TLCD2: variants seen among roughly 807,000 people sequenced by gnomAD.
TLCD2 encodes the protein TLC domain-containing protein 2.
In TLCD2, 12 loss-of-function variants were observed where a neutral mutation model predicts 14.0. The ratio of observed to expected loss-of-function variants is 0.86; its 90% confidence interval spans 0.55 to 1.39. The LOEUF is 1.39. Ranked by LOEUF, TLCD2 falls within the 40% of genes most tolerant of loss-of-function variation. The pLI is 0.00. For synonymous variants in TLCD2, 166 were observed against 156.5 expected (o/e 1.06, Z -0.45); for missense variants, 360 against 346.8 (o/e 1.04, Z -0.30).
In TLCD2 at chr17:1,702,833, T is replaced by C. The variant is rs911771350; in HGVS notation, c.*4937A>G. The C allele has an allele frequency of 6.6e-6, 1 of 152,242 alleles. No homozygotes were observed. The highest frequency in any genetic ancestry group is 1.5e-5 in the Non-Finnish European group (1 of 68,040). The allele number at this position is 152,242 out of a possible 1,614,324, so 9.4% of individuals were successfully genotyped here. A position where few individuals can be genotyped will look rare whatever the true frequency, so the allele number is the denominator to read the frequency against. On this transcript the variant is annotated 3_prime_UTR_variant, in exon 4 of 4. Transcript: ENST00000330676. ...TAATGCAATTATTTGCATAGCAATT[T>C]ATTAATTTATAATCAGGATAGTGTT...
chr17:1,709,914 G>C (rs1914167694), intron 1 of TLCD2, 28 bp from the exon 2 acceptor site: 1 of 1,522,658 alleles, frequency 6.6e-7, no homozygotes, highest in Non-Finnish European at 8.8e-7. Context: ...GGACATGGGG[G>C]GGGGCATGGT....
intron 3 of TLCD2, 30 bp downstream of exon 3, chr17:1,709,469 C>T (rs2151145686): frequency 6.6e-7 from 1 of 1,517,950 alleles, no homozygotes. Flanking sequence ...CTCCTCCCTT[C>T]CTGTCTGGCT....
At position 1,708,194 on chromosome 17, in the gene TLCD2, A is replaced by G; in HGVS notation, c.371T>C (p.Leu124Pro). Residue 124 changes from leucine (L) to proline (P), a missense_variant, in exon 4 of 4, where the codon CTG (leucine) becomes CCG (proline). Physicochemically the swap from Leu to Pro is moderately conservative, Grantham distance 98. Transcript: ENST00000330676. ...VVVSCLSTAVLSGHYVGFSMV... is the reference protein window; with the variant it reads ...VVVSCLSTAVPSGHYVGFSMV... ...GGAGAAGCCCACGTAGTGGCCAGAC[A>G]GAACAGCGGTGCTGAGGCAGCTCAC... 3 of 1,533,738 alleles carry G rather than the reference A, an allele frequency of 2.0e-6. No homozygotes were observed. Among genetic ancestry groups the G allele is most frequent in the Non-Finnish European group, 2.6e-6 (3 of 1,145,136 alleles).
At chr17:1,709,959 G>A in intron 1 of TLCD2, 73 bp from the exon 2 acceptor site, 1 of 1,508,780 alleles carries the variant, frequency 6.6e-7, no homozygotes, top group Non-Finnish European at 8.9e-7. Context: ...GTCTCCCTGT[G>A]CGCACCCCCA....
In TLCD2 at chr17:1,705,942, T is replaced by A. The variant is rs1360604475; in HGVS notation, c.*1828A>T. 1 of 151,442 alleles carries A rather than the reference T, an allele frequency of 6.6e-6. No individual in the cohort carries two copies. Among genetic ancestry groups the A allele is most frequent in the Non-Finnish European group, 1.5e-5 (1 of 67,936 alleles). 9.4% of individuals were successfully genotyped at this position (151,442 alleles called of 1,614,324 possible). On this transcript the variant is annotated 3_prime_UTR_variant, in exon 4 of 4. Coordinates refer to ENST00000330676, the MANE Select transcript of TLCD2 (RefSeq NM_001164407.2). ...AGCAGCAGGGAGGAAGAAGACTTTA[T>A]GAATGTATCTCAGAAAAGTCCCAGC...
chr17:1,710,325 C>T lies in TLCD2; in HGVS notation c.-83G>A, dbSNP rs1266553701. ...CTCGGCCGGGACTGGGAACCCGTTT[C>T]CCGGCAGGGCTGGGGCCCCGGCTCC... On this transcript the variant is annotated 5_prime_UTR_variant, in exon 1 of 4. Transcript: ENST00000330676. This position sits in a 1 kb window ranked among gnomAD's most constrained non-coding sequence, Gnocchi z 6.1. 1 of 1,308,618 alleles carries T rather than the reference C, an allele frequency of 7.6e-7. No individual in the cohort carries two copies. The highest frequency in any genetic ancestry group is 9.9e-7 in the Non-Finnish European group (1 of 1,005,800). The allele number at this position is 1,308,618 out of a possible 1,614,324, so 81.1% of individuals were successfully genotyped here.
At chr17:1,709,657 C>T in intron 2 of TLCD2, 76 bp from the exon 3 acceptor site, 4 of 1,296,494 alleles carry the variant, frequency 3.1e-6, no homozygotes, top group South Asian at 2.5e-5. Context: ...CCCCCCGCCC[C>T]GCCCCTCTCC....
chr17:1,707,725 T>G lies in TLCD2; in HGVS notation c.*45A>C. ...CTGTGCATGGAAGACCCTCATCTCC[T>G]TGTCCTGGCCCCACCTCCCCCAGCG... On this transcript the variant is annotated 3_prime_UTR_variant, in exon 4 of 4. Transcript: ENST00000330676. The G allele has an allele frequency of 1.4e-6, 2 of 1,431,996 alleles. No homozygotes were observed. Among genetic ancestry groups the G allele is most frequent in the Non-Finnish European group, 1.8e-6 (2 of 1,086,518 alleles). The allele number at this position is 1,431,996 out of a possible 1,614,324, so 88.7% of individuals were successfully genotyped here. A position where few individuals can be genotyped will look rare whatever the true frequency, so the allele number is the denominator to read the frequency against.
Position 1,707,758 on chromosome 17 carries a change from C to T in TLCD2, c.*12G>A. The T allele has an allele frequency of 1.4e-6, 2 of 1,475,258 alleles. No homozygotes were observed. The allele number at this position is 1,475,258 out of a possible 1,614,324, so 91.4% of individuals were successfully genotyped here. On this transcript the variant is annotated 3_prime_UTR_variant, in exon 4 of 4. Coordinates refer to ENST00000330676, the MANE Select transcript of TLCD2 (RefSeq NM_001164407.2). ...GCCCCACCTCCCCCAGCGAGGGGCC[C>T]ATGGCTTCTCTCTAGTCTTTCAGGC...
intron 2 of TLCD2, 34 bp downstream of exon 2, chr17:1,709,770 C>A: frequency 2.1e-6 from 3 of 1,424,246 alleles, no homozygotes; most frequent in South Asian, 2.4e-5. Context: ...CCGCCCCATC[C>A]CCACCACCGG....
rs1038764272 is a variant in TLCD2 at position 1,705,142 on chromosome 17, C to G, written c.*2628G>C. The stretch of plus-strand genomic sequence containing the variant: ...TATCTTCCTACCAGTCTCTGCCGAC[C>G]GGTTACTGTCAGCCTGTCTTTAGGG... On this transcript the variant is annotated 3_prime_UTR_variant, in exon 4 of 4. Coordinates refer to ENST00000330676, the MANE Select transcript of TLCD2 (RefSeq NM_001164407.2). The G allele has an allele frequency of 6.6e-6, 1 of 152,242 alleles. No homozygotes were observed. The highest frequency in any genetic ancestry group is 1.9e-4 in the East Asian group (1 of 5,190). 9.4% of individuals were successfully genotyped at this position (152,242 alleles called of 1,614,324 possible). A position where few individuals can be genotyped will look rare whatever the true frequency, so the allele number is the denominator to read the frequency against.
At chr17:1,709,675 TAGTTTTCCCTTGGTAAAGCCTTC>T in intron 2 of TLCD2, 94 bp from the exon 3 acceptor site, 1 of 1,231,720 alleles carries the variant, frequency 8.1e-7, no homozygotes, top group Non-Finnish European at 1.1e-6. Flanking sequence ...TCCCAGTTCT[TAGTTTTCCCTTGGTAAAGCCTTC>T]AGGAACGTTT....
chr17:1,704,296 A>G lies in TLCD2; in HGVS notation c.*3474T>C, dbSNP rs1913963376. 6.6e-6 allele frequency: 1 copy of G among 151,154 alleles called. No homozygotes were observed. The highest frequency in any genetic ancestry group is 1.5e-5 in the Non-Finnish European group (1 of 67,832). 9.4% of individuals were successfully genotyped at this position (151,154 alleles called of 1,614,324 possible). The stretch of plus-strand genomic sequence containing the variant: ...TTTTTTTTGTAGAGAGGAGGTCTCA[A>G]TATGTTGCCCAGACTGGTCTTGAAC... On this transcript the variant is annotated 3_prime_UTR_variant, in exon 4 of 4. Transcript: ENST00000330676.
intron 3 of TLCD2, among the ~76,000 whole-genome samples, chr17:1,708,702 C>A (rs1914121956): frequency 6.6e-6 from 1 of 152,024 alleles, no homozygotes; most frequent in Non-Finnish European, 1.5e-5. Context: ...TCAGGATGGT[C>A]TCGATCTCCT....
intron 3 of TLCD2, among the ~76,000 whole-genome samples, 186 bp from the exon 4 acceptor site, chr17:1,708,408 C>A (rs952085212): frequency 1.3e-5 from 2 of 151,674 alleles, no homozygotes; most frequent in Non-Finnish European, 2.9e-5. Context: ...TAGATGGAAC[C>A]AGGCTTGGCC....
rs1914081762 is a variant in TLCD2, at chr17:1,707,809, A to C, written c.756T>G (p.Pro252=). The change falls in exon 4 of 4, where the codon CCT becomes CCG. Residue 252 remains proline, a synonymous_variant. Transcript: ENST00000330676. The part of the protein sequence containing the change: ...RGTRTRRDNG[P]VTSNSSTLSL... ...TGAGAGTCGAACTGTTGCTGGTGAC[A>C]GGTCCATTGTCACGACGTGTCCTGG... The C allele has an allele frequency of 2.6e-6, 4 of 1,515,314 alleles. No homozygotes were observed. In the African/African-American group the frequency reaches 5.5e-5, roughly 21 times the overall value. 93.9% of individuals were successfully genotyped at this position (1,515,314 alleles called of 1,614,324 possible). A position where few individuals can be genotyped will look rare whatever the true frequency, so the allele number is the denominator to read the frequency against.
chr17:1,708,548 G>A (rs1199144410), intron 3 of TLCD2, among the ~76,000 whole-genome samples: 2 of 134,150 alleles, frequency 1.5e-5, no homozygotes, highest in Non-Finnish European at 3.1e-5. Flanking sequence ...GTGCAGTGGT[G>A]TGATCTTGGC....
chr17:1,709,955 C>T (rs1433825161), intron 1 of TLCD2, 69 bp from the exon 2 acceptor site: 39 of 1,511,152 alleles, frequency 2.6e-5, no homozygotes, highest in Non-Finnish European at 3.5e-5. Context: ...CGCAGTCTCC[C>T]TGTGCGCACC....
Position 1,703,167 on chromosome 17 carries a change from C to T in TLCD2, c.*4603G>A, listed in dbSNP as rs923340375. On this transcript the variant is annotated 3_prime_UTR_variant, in exon 4 of 4. Coordinates refer to ENST00000330676, the MANE Select transcript of TLCD2 (RefSeq NM_001164407.2). ...TGTTGCCCACACTCCAATTCTCTGC[C>T]TACTTACTCAGTTGTAATCACAATC... is the stretch of plus-strand genomic sequence containing the variant. 2 of 152,028 alleles carry T rather than the reference C, an allele frequency of 1.3e-5. No individual in the cohort carries two copies. Among genetic ancestry groups the T allele is most frequent in the Non-Finnish European group, 2.9e-5 (2 of 68,016 alleles). The allele number at this position is 152,028 out of a possible 1,614,324, so 9.4% of individuals were successfully genotyped here. A position where few individuals can be genotyped will look rare whatever the true frequency, so the allele number is the denominator to read the frequency against.
Sources: allele counts gnomAD v4.1 joint callset (sites outside exome capture counted in the v4.1 genomes callset), GRCh38; gene constraint gnomAD v4.1.1; non-coding constraint Gnocchi (gnomAD v3.1); transcripts MANE v1.5; gene names NCBI Gene and HGNC (gene_info 2026-07-23, HGNC 2026-07-21).